The following SYNE2 variants were observed in gnomAD, a reference collection of about 807,000 sequenced individuals.
The protein encoded by SYNE2 is spectrin repeat containing nuclear envelope protein 2, also known as nesprin-2.
In SYNE2, 431 loss-of-function variants were observed where a neutral mutation model predicts 856.3. The observed-to-expected ratio is 0.50, with a 90% CI of 0.47 to 0.55. The LOEUF is 0.55. SYNE2 is among the 20% of genes least tolerant of loss of function. The pLI is 0.00. For missense variants in SYNE2, 8,129 were observed against 8,023.2 expected (o/e 1.01, Z -0.50); for synonymous variants, 2,923 against 2,872.3 (o/e 1.02, Z -0.56).
At chr14:63,835,060 A>G (rs889563721) in intron 1 of SYNE2, among the ~76,000 whole-genome samples, 2 of 152,174 alleles carry the variant, frequency 1.3e-5, no homozygotes, top group African/African-American at 4.8e-5. Flanking sequence ...TTATTCATTA[A>G]TTCAACAACT....
At chr14:63,851,694 C>T (rs1890468984), upstream of SYNE2, among the ~76,000 whole-genome samples, 1 of 152,032 alleles carries the variant, frequency 6.6e-6, no homozygotes, top group South Asian at 2.1e-4. Flanking sequence ...CATTATCAAA[C>T]GTCTAATCTC....
At chr14:64,067,680 G>A (rs2097367984) in intron 51 of SYNE2, among the ~76,000 whole-genome samples, 1 of 152,126 alleles carries the variant, frequency 6.6e-6, no homozygotes. Context: ...CTGTTTGTAA[G>A]TTTACAAATT....
chr14:63,823,805 T>C (rs945891966), intron 1 of SYNE2, among the ~76,000 whole-genome samples: 5 of 152,050 alleles, frequency 3.3e-5, no homozygotes, highest in African/African-American at 1.2e-4. Flanking sequence ...CCAGCTAATA[T>C]TTTTTATTCT....
At chr14:64,224,855 C>CA in intron 114 of SYNE2, 144 bp from the exon 115 acceptor site, 1 of 795,402 alleles carries the variant, frequency 1.3e-6, no homozygotes, top group Non-Finnish European at 2.1e-6. Flanking sequence ...CGTTTAATCT[C>CA]AATTGTATTA....
rs1595931919 is a variant in SYNE2, at chr14:64,165,284, G to A, written c.16480-1G>A. 6.2e-7 allele frequency: 1 copy of A among 1,613,578 alleles called. No individual in the cohort carries two copies. The highest frequency in any genetic ancestry group is 1.7e-5 in the Admixed American group (1 of 60,008). On this transcript the variant is annotated splice_acceptor_variant, in intron 89 of 115. Transcript: ENST00000555002. LOFTEE classifies it high-confidence loss of function. ...TCTAATGAAAATTTCTCTTGTTCTA[G>A]TTTGTTCTCTCACAGTTTAAGGATT...
intron 38 of SYNE2, chr14:64,024,002 G>T (rs2096958142): frequency 2.3e-6 from 1 of 434,210 alleles, no homozygotes; most frequent in Admixed American, 3.5e-5. Flanking sequence ...ATAGGAAAAT[G>T]TAGCTGTCCT....
At chr14:63,823,584 T>C (rs1359593818) in intron 1 of SYNE2, among the ~76,000 whole-genome samples, 1 of 151,810 alleles carries the variant, frequency 6.6e-6, no homozygotes, top group Non-Finnish European at 1.5e-5. Context: ...AGTATTATAC[T>C]GTTATCAAGA....
intron 1 of SYNE2, among the ~76,000 whole-genome samples, chr14:63,846,199 C>T (rs1728135945): frequency 6.6e-6 from 1 of 151,970 alleles, no homozygotes; most frequent in African/African-American, 2.4e-5. Flanking sequence ...CAGGCACGCA[C>T]CATTATGCTG....
intron 35 of SYNE2, among the ~76,000 whole-genome samples, 178 bp downstream of exon 35, chr14:64,020,271 TG>T (rs2096926786): frequency 6.6e-6 from 1 of 152,164 alleles, no homozygotes; most frequent in South Asian, 2.1e-4. Context: ...TGGGCCATAT[TG>T]GAAGAAGAAT....
intron 1 of SYNE2, among the ~76,000 whole-genome samples, chr14:63,800,174 G>T (rs756825328): frequency 7.9e-5 from 12 of 152,114 alleles, no homozygotes; most frequent in Admixed American, 2.0e-4. Context: ...TTCTTCTGAG[G>T]ATGAAAGGCA....
chr14:64,154,140 G>T (rs2098267277), intron 85 of SYNE2, among the ~76,000 whole-genome samples: 1 of 150,680 alleles, frequency 6.6e-6, no homozygotes, highest in Non-Finnish European at 1.5e-5. Flanking sequence ...GACCAGCCTG[G>T]GCAACATAGC....
chr14:64,082,821 G>A (rs2097534511), intron 57 of SYNE2, among the ~76,000 whole-genome samples: 1 of 152,214 alleles, frequency 6.6e-6, no homozygotes, highest in Non-Finnish European at 1.5e-5. Context: ...AACACACCAT[G>A]ATTCCAAATT....
chr14:64,164,929 C>T (rs371412099), intron 89 of SYNE2, among the ~76,000 whole-genome samples: 1 of 151,716 alleles, frequency 6.6e-6, no homozygotes, highest in Non-Finnish European at 1.5e-5. Flanking sequence ...ATTCTGTCAC[C>T]CAGGCTGGCG....
intron 66 of SYNE2, among the ~76,000 whole-genome samples, chr14:64,116,273 A>G (rs981707361): frequency 2.6e-5 from 4 of 152,140 alleles, no homozygotes; most frequent in African/African-American, 9.7e-5. Context: ...TTAAAGACAT[A>G]AATTAAAACA....
chr14:64,219,600 G>C (rs1159924979), intron 110 of SYNE2, among the ~76,000 whole-genome samples, 190 bp downstream of exon 110: 3 of 152,200 alleles, frequency 2.0e-5, no homozygotes, highest in Admixed American at 6.5e-5. Flanking sequence ...TTTTCACATG[G>C]AAGAGTATCT....
intron 1 of SYNE2, among the ~76,000 whole-genome samples, chr14:63,866,568 G>C (rs1895385156): frequency 6.6e-6 from 1 of 152,152 alleles, no homozygotes; most frequent in Non-Finnish European, 1.5e-5. Flanking sequence ...CAAAAAAAGT[G>C]AAATATCAGT....
chr14:63,869,579 T>G (rs571504759), intron 1 of SYNE2, among the ~76,000 whole-genome samples: 1 of 134,230 alleles, frequency 7.4e-6, no homozygotes, highest in South Asian at 2.3e-4. Flanking sequence ...GAGGTTGCAG[T>G]GAGCTGAGAT....
At chr14:64,010,209 C>A in intron 32 of SYNE2, 93 bp downstream of exon 32, 1 of 1,401,424 alleles carries the variant, frequency 7.1e-7, no homozygotes, top group Non-Finnish European at 9.8e-7. Context: ...TTTTTTGAAA[C>A]TTCGTTTAAA....
chr14:64,132,064 A>T (rs566078569), intron 76 of SYNE2, among the ~76,000 whole-genome samples: 1 of 152,004 alleles, frequency 6.6e-6, no homozygotes, highest in Non-Finnish European at 1.5e-5. Flanking sequence ...CTCTCAAATG[A>T]CTGGGATTAC....
Sources: gnomAD v4.1 joint callset for allele counts (sites outside exome capture counted in the v4.1 genomes callset) on GRCh38, gnomAD v4.1.1 for gene constraint, MANE v1.5 for transcripts, NCBI Gene and HGNC (gene_info 2026-07-23, HGNC 2026-07-21) for gene names.